Variants in CDH4 observed in about 807,000 individuals in gnomAD.
CDH4 encodes the protein cadherin-4.
Under a neutral mutation model 86.0 loss-of-function variants are expected in CDH4, and 33 were observed. The ratio of observed to expected loss-of-function variants is 0.38; its 90% CI spans 0.29 to 0.51. CDH4 has a LOEUF of 0.51. Among genes scored for constraint, CDH4 ranks in the 20% least tolerant of loss-of-function variants. The probability of loss-of-function intolerance (pLI) is 0.86; values close to 1 mark genes in which losing one functional copy is unlikely to be tolerated. For synonymous variants in CDH4, 555 were observed against 549.4 expected (o/e 1.01, Z -0.14); for missense variants, 1,114 against 1,307.4 (o/e 0.85, Z 2.28).
At position 61,730,051 on chromosome 20, in the gene CDH4, C is replaced by A. The variant is rs1251864818; in HGVS notation, c.170-13512C>A. On this transcript the variant is annotated intron_variant, in intron 2 of 15. Coordinates refer to ENST00000614565, the MANE Select transcript of CDH4 (RefSeq NM_001794.5). The stretch of plus-strand genomic sequence containing the variant: ...GGAAAATGGAGCAGGAAGTCACCCC[C>A]CTCTCCCACTGCCAGCTTCCCCTGT... Among the ~76,000 whole-genome samples the A allele has an allele frequency of 2.6e-5, 4 of 152,168 alleles. No individual in the cohort carries two copies. In the East Asian group the frequency reaches 7.7e-4, roughly 29 times the overall value.
At chr20:61,385,434 G>A (rs765900311) in intron 2 of CDH4, among the ~76,000 whole-genome samples, 2 of 148,764 alleles carry the variant, frequency 1.3e-5, no homozygotes, top group Admixed American at 6.6e-5. Context: ...AATTCATTGT[G>A]CCACTGACGA....
At chr20:61,448,138 C>T (rs1400558545) in intron 2 of CDH4, among the ~76,000 whole-genome samples, 2 of 152,196 alleles carry the variant, frequency 1.3e-5, no homozygotes, top group Non-Finnish European at 2.9e-5. Flanking sequence ...TTTGTTTCAG[C>T]CCAGCAGGTC....
chr20:61,652,938 A>ATTTATTTTTTTTTTTTTTTTTTTTT (rs1555819716), intron 2 of CDH4, among the ~76,000 whole-genome samples: 2 of 97,396 alleles, frequency 2.1e-5, no homozygotes, highest in Admixed American at 2.1e-4. Context: ...TTATTTATTT[A>ATTTATTTTTTTTTTTTTTTTTTTTT]TTTTTTTTTT....
chr20:61,719,424 T>C (rs1157078907), intron 2 of CDH4: 1 of 246,462 alleles, frequency 4.1e-6, no homozygotes, highest in Non-Finnish European at 8.8e-6. Flanking sequence ...ATTAGCAATA[T>C]TGCAAAATGC....
chr20:61,327,581 G>C (rs1471582908), intron 2 of CDH4, among the ~76,000 whole-genome samples: 1 of 152,200 alleles, frequency 6.6e-6, no homozygotes, highest in Admixed American at 6.5e-5. Context: ...GCGAAGATTA[G>C]AAAGTGGGTG....
At chr20:61,706,928 T>C (rs73150357) in intron 2 of CDH4, among the ~76,000 whole-genome samples, 6,162 of 152,302 alleles carry the variant, frequency 0.04, 131 homozygotes, top group Middle Eastern at 0.075. Context: ...CTGTGGCACG[T>C]GGTGGGGGCC....
chr20:61,391,908 T>C (rs2145466881), intron 2 of CDH4, among the ~76,000 whole-genome samples: 1 of 152,108 alleles, frequency 6.6e-6, no homozygotes, highest in Non-Finnish European at 1.5e-5. Flanking sequence ...TCTGGGATTT[T>C]TTTCTGCCAG....
At chr20:61,777,508 C>A (rs538333677) in intron 4 of CDH4, among the ~76,000 whole-genome samples, 1 of 152,226 alleles carries the variant, frequency 6.6e-6, no homozygotes, top group Non-Finnish European at 1.5e-5. Context: ...CTTTAGTGAA[C>A]GGAAAATGGA....
At chr20:61,789,090 G>A (rs2146011856) in intron 4 of CDH4, among the ~76,000 whole-genome samples, 1 of 152,294 alleles carries the variant, frequency 6.6e-6, no homozygotes, top group East Asian at 1.9e-4. Context: ...CACAGGTGTG[G>A]GTTGGTCAGG....
intron 2 of CDH4, among the ~76,000 whole-genome samples, chr20:61,486,653 G>A (rs1477079503): frequency 4.6e-5 from 7 of 152,202 alleles, no homozygotes; most frequent in Admixed American, 3.9e-4. Flanking sequence ...AGTTTTGGAA[G>A]CTGAGGTGGG....
intron 2 of CDH4, among the ~76,000 whole-genome samples, chr20:61,515,558 TC>T (rs1410997739): frequency 2.0e-5 from 3 of 152,158 alleles, no homozygotes; most frequent in East Asian, 3.9e-4. Context: ...CTCCCTCCCT[TC>T]CTTCCCTCCC....
intron 2 of CDH4, among the ~76,000 whole-genome samples, chr20:61,494,763 C>T (rs762481212): frequency 7.9e-5 from 12 of 152,208 alleles, no homozygotes; most frequent in Admixed American, 2.0e-4. Context: ...TGAAAACTGG[C>T]GTTATTTGCT....
chr20:61,655,093 G>A (rs917108705), intron 2 of CDH4, among the ~76,000 whole-genome samples: 12 of 152,218 alleles, frequency 7.9e-5, no homozygotes, highest in African/African-American at 1.7e-4. Context: ...AGGATATTAC[G>A]TTTGTAACTA....
intron 5 of CDH4, among the ~76,000 whole-genome samples, chr20:61,850,339 G>A (rs568189797): frequency 4.2e-4 from 64 of 152,320 alleles, no homozygotes; most frequent in African/African-American, 1.4e-3. Context: ...GCAAACGCAC[G>A]GTGCGTGTTG....
At chr20:61,479,980 A>G (rs1358304301) in intron 2 of CDH4, among the ~76,000 whole-genome samples, 1 of 152,066 alleles carries the variant, frequency 6.6e-6, no homozygotes, top group Non-Finnish European at 1.5e-5. Context: ...TATGAATCAC[A>G]TTCTGTGTAT....
Position 61,858,822 on chromosome 20 carries a change from G to T in CDH4, c.877+5924G>T, listed in dbSNP as rs565836131. Among the ~76,000 whole-genome samples the T allele has an allele frequency of 2.0e-5, 3 of 152,288 alleles. No individual in the cohort carries two copies. In the South Asian group the frequency reaches 6.2e-4, roughly 32 times the overall value. On this transcript the variant is annotated intron_variant, in intron 6 of 15. Transcript: ENST00000614565. Reference sequence around the variant, plus strand: ...GAGCCATCCCCAACTGATGGACGCTGGGCAGTTTCAACTCTGGGCCATGAT... The same window carrying T: ...GAGCCATCCCCAACTGATGGACGCTTGGCAGTTTCAACTCTGGGCCATGAT...
At chr20:61,492,088 TTGATGG>T (rs1163495267) in intron 2 of CDH4, among the ~76,000 whole-genome samples, 1 of 150,328 alleles carries the variant, frequency 6.7e-6, no homozygotes, top group African/African-American at 2.5e-5. Context: ...GTTGATGGTG[TTGATGG>T]TGGTGGTGTT....
At position 61,499,074 on chromosome 20, in the gene CDH4, T is replaced by A. The variant is rs554394531; in HGVS notation, c.169+244137T>A. Among the ~76,000 whole-genome samples, 11 of 152,308 alleles carry A rather than the reference T, an allele frequency of 7.2e-5. 1 individual carries two copies. The South Asian group carries it at 2.3e-3, about 32-fold the overall frequency. ...GCTGCATGGCGGGGGCAGGTTTCCA[T>A]GCTTACGGTGGTCCTCACTGCTCAT... On this transcript the variant is annotated intron_variant, in intron 2 of 15. Coordinates refer to ENST00000614565, the MANE Select transcript of CDH4 (RefSeq NM_001794.5).
rs1980198346 is a variant in CDH4, at chr20:61,807,472, T to C, written c.576+34290T>C. ...AAGTTCAATGTGTTGGATTTGGAAA[T>C]CTCCCTCCTCTTTCTACTCCATCTC... On this transcript the variant is annotated intron_variant, in intron 4 of 15. Transcript: ENST00000614565. This position sits in a 1 kb window ranked among gnomAD's most constrained non-coding sequence, Gnocchi z 4.5. Among the ~76,000 whole-genome samples the C allele has an allele frequency of 6.6e-6, 1 of 152,156 alleles. No homozygotes were observed. The highest frequency in any genetic ancestry group is 1.5e-5 in the Non-Finnish European group (1 of 68,026).
Sources: gnomAD v4.1 joint callset for allele counts (sites outside exome capture counted in the v4.1 genomes callset) on GRCh38, gnomAD v4.1.1 for gene constraint, Gnocchi (gnomAD v3.1) non-coding constraint, MANE v1.5 for transcripts, NCBI Gene and HGNC (gene_info 2026-07-23, HGNC 2026-07-21) for gene names.